Variants in MGMT observed in about 807,000 individuals in gnomAD.
The protein encoded by MGMT is methylated-DNA--protein-cysteine methyltransferase.
A neutral mutation model predicts 15.9 loss-of-function variants in MGMT; 14 were observed. That is an observed-to-expected ratio of 0.88 (90% CI 0.58 to 1.37). The LOEUF (loss-of-function observed/expected upper bound fraction) is 1.37. Ranked by LOEUF, MGMT falls within the 40% of genes most tolerant of loss-of-function variation. The pLI is 0.00. For missense variants in MGMT, 282 were observed against 268.1 expected, an observed-to-expected ratio of 1.05 and a Z score of -0.36; for synonymous variants, 130 against 118.2, an observed-to-expected ratio of 1.10 and a Z score of -0.65.
intron 1 of MGMT, among the ~76,000 whole-genome samples, chr10:129,519,378 G>A (rs1285393761): frequency 6.6e-6 from 1 of 152,188 alleles, no homozygotes; most frequent in African/African-American, 2.4e-5. Flanking sequence ...AAGTTATCAA[G>A]CCACTGATAG....
chr10:129,737,255 TTTCTTTTTA>T (rs1848574457), intron 3 of MGMT, among the ~76,000 whole-genome samples: 1 of 152,142 alleles, frequency 6.6e-6, no homozygotes, highest in African/African-American at 2.4e-5. Context: ...GCTGTGCGCG[TTTCTTTTTA>T]TTCTTTTTTC....
chr10:129,483,012 G>A (rs1845374306), intron 1 of MGMT, among the ~76,000 whole-genome samples: 1 of 152,144 alleles, frequency 6.6e-6, no homozygotes, highest in South Asian at 2.1e-4. Context: ...ATTTGGATAT[G>A]TTTTTGAATG....
At chr10:129,561,615 G>A (rs1846279877) in intron 2 of MGMT, among the ~76,000 whole-genome samples, 1 of 152,158 alleles carries the variant, frequency 6.6e-6, no homozygotes, top group Non-Finnish European at 1.5e-5. Flanking sequence ...GTGAGGACAT[G>A]GTATCCACCC....
At chr10:129,597,803 T>C (rs1846768702) in intron 2 of MGMT, among the ~76,000 whole-genome samples, 3 of 152,186 alleles carry the variant, frequency 2.0e-5, no homozygotes, top group Non-Finnish European at 4.4e-5. Context: ...CCTATCTCCT[T>C]CTCTACAGAA....
At chr10:129,644,442 A>G (rs772338257) in intron 2 of MGMT, among the ~76,000 whole-genome samples, 6 of 152,220 alleles carry the variant, frequency 3.9e-5, no homozygotes, top group Non-Finnish European at 4.4e-5. Flanking sequence ...GTGAAATTCA[A>G]GAGGACACAG....
At chr10:129,525,389 C>T (rs182388864) in intron 1 of MGMT, among the ~76,000 whole-genome samples, 113 of 152,220 alleles carry the variant, frequency 7.4e-4, no homozygotes, top group African/African-American at 2.5e-3. Flanking sequence ...CTTAGATGTC[C>T]GTCTGCTTCT....
chr10:129,474,403 G>A (rs1182522286), intron 1 of MGMT, among the ~76,000 whole-genome samples: 3 of 152,170 alleles, frequency 2.0e-5, no homozygotes, highest in Non-Finnish European at 4.4e-5. Context: ...GAGCAGGTGG[G>A]AGTCGCAGAG....
intron 2 of MGMT, among the ~76,000 whole-genome samples, chr10:129,655,054 C>T (rs1319084307): frequency 6.6e-6 from 1 of 152,208 alleles, no homozygotes; most frequent in African/African-American, 2.4e-5. Flanking sequence ...CCGCTGCACC[C>T]TCATCCCTGG....
rs716406 is a variant in MGMT at position 129,770,846 on chromosome 10, A to G, written c.*3849A>G. Among the ~76,000 whole-genome samples, 99,700 of 151,850 alleles carry G rather than the reference A, an allele frequency of 0.66. 33,788 individuals are homozygous for G. The highest frequency in any genetic ancestry group is 0.83 in the African/African-American group (34,380 of 41,452). On this transcript the variant is annotated 3_prime_UTR_variant, in exon 5 of 5. Coordinates refer to ENST00000651593, the MANE Select transcript of MGMT (RefSeq NM_002412.5). ...CTTCTTGTTGCCATCGGGGCAGTGG[A>G]GTCCCCGGAAACAGTCCAAGGCCCT... is the stretch of plus-strand genomic sequence containing the variant.
At chr10:129,524,582 CTTTTTTTTTTTTT>C (rs66701664) in intron 1 of MGMT, among the ~76,000 whole-genome samples, 9 of 68,072 alleles carry the variant, frequency 1.3e-4, no homozygotes, top group Admixed American at 7.3e-4. Context: ...TCCAAAAAGA[CTTTTTTTTTTTTT>C]TTTTTTTTTT....
At chr10:129,632,319 C>G (rs1232800340) in intron 2 of MGMT, among the ~76,000 whole-genome samples, 2 of 152,174 alleles carry the variant, frequency 1.3e-5, no homozygotes, top group Non-Finnish European at 2.9e-5. Context: ...GCGCCTTGTA[C>G]TTGATAGAGC....
intron 1 of MGMT, among the ~76,000 whole-genome samples, chr10:129,498,237 G>T (rs888370709): frequency 1.3e-5 from 2 of 152,220 alleles, no homozygotes. Flanking sequence ...TGTTAGCTTG[G>T]TCACTGGGTA....
chr10:129,755,452 C>T (rs535948753), intron 3 of MGMT, among the ~76,000 whole-genome samples: 1 of 152,358 alleles, frequency 6.6e-6, no homozygotes, highest in African/African-American at 2.4e-5. Context: ...GCAAGCATGA[C>T]CCGGCAGGTA....
intron 3 of MGMT, among the ~76,000 whole-genome samples, chr10:129,728,243 C>T (rs1198383317): frequency 1.3e-5 from 2 of 152,148 alleles, no homozygotes; most frequent in African/African-American, 2.4e-5. Context: ...TTGGGAATTG[C>T]AGCAGTCACT....
chr10:129,605,895 T>G (rs1846884182), intron 2 of MGMT, among the ~76,000 whole-genome samples: 1 of 152,142 alleles, frequency 6.6e-6, no homozygotes, highest in African/African-American at 2.4e-5. Flanking sequence ...ATTTTTTTTT[T>G]TTGACATTTA....
chr10:129,579,877 T>C (rs1247957098), intron 2 of MGMT, among the ~76,000 whole-genome samples: 2 of 152,188 alleles, frequency 1.3e-5, no homozygotes, highest in African/African-American at 4.8e-5. Context: ...GCCTTCTGCA[T>C]AGCGAGGCTG....
At chr10:129,723,995 C>T (rs1848404763) in intron 3 of MGMT, among the ~76,000 whole-genome samples, 2 of 152,192 alleles carry the variant, frequency 1.3e-5, no homozygotes, top group African/African-American at 4.8e-5. Flanking sequence ...TCTCCTACCC[C>T]GCTACCCAAC....
At chr10:129,623,786 G>A (rs1166794225) in intron 2 of MGMT, among the ~76,000 whole-genome samples, 2 of 152,184 alleles carry the variant, frequency 1.3e-5, no homozygotes, top group African/African-American at 4.8e-5. Context: ...CTCCAAAGGA[G>A]TTAGGATTAC....
intron 3 of MGMT, among the ~76,000 whole-genome samples, chr10:129,746,100 G>T (rs184506436): frequency 6.6e-6 from 1 of 151,946 alleles, no homozygotes; most frequent in South Asian, 2.1e-4. Flanking sequence ...TTAGCCAGGC[G>T]TGGTGGCAGG....
Sources: allele counts gnomAD v4.1 joint callset (sites outside exome capture counted in the v4.1 genomes callset), GRCh38; gene constraint gnomAD v4.1.1; transcripts MANE v1.5; gene names NCBI Gene and HGNC (gene_info 2026-07-23, HGNC 2026-07-21).